The following SLC9C2 variants were observed in gnomAD, a reference collection of about 807,000 sequenced individuals.
The protein encoded by SLC9C2 is sodium/hydrogen exchanger 11.
Under a neutral mutation model 140.2 loss-of-function variants are expected in SLC9C2, and 75 were observed. That is an observed-to-expected ratio of 0.53 (90% CI 0.44 to 0.65). The LOEUF (loss-of-function observed/expected upper bound fraction) is 0.65, where lower values mean the gene tolerates loss of function less well. SLC9C2 is among the 30% of genes least tolerant of loss of function. The pLI, the probability that SLC9C2 is intolerant of heterozygous loss-of-function variation, is 0.00. For synonymous variants in SLC9C2, 375 were observed against 420.9 expected (o/e 0.89, Z 1.34); for missense variants, 1,074 against 1,331.8 (o/e 0.81, Z 3.01).
chr1:173,500,746 A>G lies in SLC9C2; in HGVS notation c.*348T>C, dbSNP rs114708311. 0.021 allele frequency: 3,499 copies of G among 163,442 alleles called. 145 individuals are homozygous for G. The highest frequency in any genetic ancestry group is 0.078 in the African/African-American group (3,311 of 42,180). 10.1% of individuals were successfully genotyped at this position (163,442 alleles called of 1,614,324 possible). On this transcript the variant is annotated 3_prime_UTR_variant, in exon 28 of 28. Transcript: ENST00000367714. Reference sequence around the variant, plus strand: ...TACAGGTTCTATGCTTTAGAGAGTAACATATCAGTTATACAACACTTTTTA... The same window carrying G: ...TACAGGTTCTATGCTTTAGAGAGTAGCATATCAGTTATACAACACTTTTTA...
chr1:173,523,839 G>T (rs1172283550), intron 21 of SLC9C2, 130 bp downstream of exon 21: 5 of 1,219,112 alleles, frequency 4.1e-6, no homozygotes, highest in Non-Finnish European at 4.5e-6. Context: ...GGCTTTCCTG[G>T]GCCTCCATTT....
chr1:173,554,866 C>A, intron 10 of SLC9C2, 52 bp from the exon 11 acceptor site: 1 of 1,052,370 alleles, frequency 9.5e-7, no homozygotes, highest in Non-Finnish European at 1.4e-6. Context: ...ATAAGTTCTC[C>A]AAAAGCAATC....
intron 19 of SLC9C2, among the ~76,000 whole-genome samples, chr1:173,526,209 A>T (rs946484243): frequency 6.6e-6 from 1 of 152,250 alleles, no homozygotes; most frequent in African/African-American, 2.4e-5. Flanking sequence ...AAGTGGAGTG[A>T]CTGTAGATAC....
chr1:173,568,610 T>C (rs561285195), intron 9 of SLC9C2, among the ~76,000 whole-genome samples: 85 of 152,330 alleles, frequency 5.6e-4, no homozygotes, highest in African/African-American at 1.9e-3. Context: ...TGTGTCTTTA[T>C]AGTAAAATGA....
At chr1:173,540,979 T>C (rs1662354419) in intron 13 of SLC9C2, among the ~76,000 whole-genome samples, 1 of 152,202 alleles carries the variant, frequency 6.6e-6, no homozygotes, top group African/African-American at 2.4e-5. Flanking sequence ...AACATCATAA[T>C]GACAGGATCA....
At chr1:173,504,343 C>A (rs1466337694) in intron 26 of SLC9C2, among the ~76,000 whole-genome samples, 1 of 152,158 alleles carries the variant, frequency 6.6e-6, no homozygotes, top group Non-Finnish European at 1.5e-5. Flanking sequence ...GGCTCACTCA[C>A]CAATTGGCAC....
Position 173,576,756 on chromosome 1 carries a change from T to G in SLC9C2, c.807A>C (p.Glu269Asp). 3 of 1,595,518 alleles carry G rather than the reference T, an allele frequency of 1.9e-6. No individual in the cohort carries two copies. Among genetic ancestry groups the G allele is most frequent in the Non-Finnish European group, 2.6e-6 (3 of 1,171,170 alleles). ...SMVYMTFYIV[E>D]FLGMSGTLAL... is the part of the protein sequence containing the mutation. ...CAAGAGTGCCTGACATTCCTAAAAA[T>G]TCCACTGGGGAGAAAAAAAAAACAA... The change falls in exon 8 of 28, where the codon GAA (glutamate) becomes GAC (aspartate). Residue 269 changes from glutamate to aspartate, a missense_variant. Glu to Asp is a conservative substitution (Grantham distance 45). Transcript: ENST00000367714.
At chr1:173,578,475 A>G (rs1468197980) in intron 7 of SLC9C2, among the ~76,000 whole-genome samples, 1 of 152,228 alleles carries the variant, frequency 6.6e-6, no homozygotes, top group Admixed American at 6.5e-5. Flanking sequence ...CTTACTAAGT[A>G]TGAGTAAAGG....
intron 23 of SLC9C2, 48 bp from the exon 24 acceptor site, chr1:173,509,747 TTACAAGACCATCAAAAAACAAGATGCC>T: frequency 1.3e-6 from 2 of 1,546,628 alleles, no homozygotes; most frequent in Non-Finnish European, 1.7e-6. Flanking sequence ...TGGAACTAAA[TTACAAGACCATCAAAAAACAAGATGCC>T]TGCAGATTTA....
intron 18 of SLC9C2, 26 bp from the exon 19 acceptor site, chr1:173,526,740 A>T (rs201273601): frequency 1.5e-5 from 21 of 1,409,382 alleles, no homozygotes; most frequent in Admixed American, 2.2e-5. Context: ...AAAAACATGT[A>T]TTTCTTATTA....
intron 22 of SLC9C2, among the ~76,000 whole-genome samples, chr1:173,518,286 A>C (rs1215312407): frequency 6.6e-6 from 1 of 150,734 alleles, no homozygotes; most frequent in African/African-American, 2.4e-5. Context: ...AAAACCCACC[A>C]AAACTGGAAA....
At chr1:173,581,306 G>A (rs1264251837) in intron 7 of SLC9C2, among the ~76,000 whole-genome samples, 2 of 152,142 alleles carry the variant, frequency 1.3e-5, no homozygotes, top group Admixed American at 1.3e-4. Flanking sequence ...ACTAGCTGAA[G>A]GTCAGCCAGT....
chr1:173,564,522 G>A (rs528937014), intron 9 of SLC9C2, among the ~76,000 whole-genome samples: 10 of 152,128 alleles, frequency 6.6e-5, no homozygotes, highest in African/African-American at 2.4e-4. Flanking sequence ...TGTCTACTCA[G>A]ATCTTTTGCC....
At chr1:173,574,860 T>C (rs1385153187) in intron 8 of SLC9C2, among the ~76,000 whole-genome samples, 3 of 152,106 alleles carry the variant, frequency 2.0e-5, no homozygotes, top group African/African-American at 7.2e-5. Flanking sequence ...GGCTCATGCA[T>C]GTAATCACAA....
At chr1:173,601,957 C>T (rs978610501) in intron 1 of SLC9C2, 102 bp from the exon 2 acceptor site, 10 of 709,318 alleles carry the variant, frequency 1.4e-5, no homozygotes, top group Admixed American at 2.6e-5. Context: ...CATGTCTCTT[C>T]TTGTCACAGG....
chr1:173,594,755 T>C (rs1666351236), intron 4 of SLC9C2, among the ~76,000 whole-genome samples: 2 of 152,242 alleles, frequency 1.3e-5, no homozygotes, highest in South Asian at 4.1e-4. Context: ...TTTAGACTTG[T>C]TAAATCAAAT....
At chr1:173,527,999 A>G (rs376531743) in intron 18 of SLC9C2, among the ~76,000 whole-genome samples, 1 of 152,152 alleles carries the variant, frequency 6.6e-6, no homozygotes, top group South Asian at 2.1e-4. Context: ...ATCCTAGCCC[A>G]GCCCTGCTTG....
At chr1:173,599,037 AGT>A (rs770501319) in intron 3 of SLC9C2, among the ~76,000 whole-genome samples, 2 of 152,232 alleles carry the variant, frequency 1.3e-5, no homozygotes, top group Non-Finnish European at 2.9e-5. Context: ...GAAGCTATGA[AGT>A]GTGTTTTACA....
chr1:173,548,428 C>T lies in SLC9C2; in HGVS notation c.1422G>A (p.Trp474Ter), dbSNP rs553307750. Residue 474 changes from tryptophan to a stop codon, truncating the protein, a stop_gained, in exon 12 of 28, where the codon TGG (tryptophan) becomes TGA (stop). Transcript: ENST00000367714. LOFTEE classifies it high-confidence loss of function. ...TCCTCGTTTTATCTTCTACTAAGGT[C>T]CAGTTAACATTTGTCAAAATTTTTT... ...KTEKILTNVN[W>*]TLVEDKTRIE... The T allele has an allele frequency of 1.9e-6, 3 of 1,613,598 alleles. No homozygotes were observed. Among genetic ancestry groups the T allele is most frequent in the East Asian group, 2.2e-5 (1 of 44,864 alleles).
Sources: gnomAD v4.1 joint callset for allele counts (sites outside exome capture counted in the v4.1 genomes callset) on GRCh38, gnomAD v4.1.1 for gene constraint, MANE v1.5 for transcripts, NCBI Gene and HGNC (gene_info 2026-07-23, HGNC 2026-07-21) for gene names.